SYNE2: variants seen among roughly 807,000 people sequenced by gnomAD.
SYNE2 encodes the protein spectrin repeat containing nuclear envelope protein 2.
In SYNE2, 431 loss-of-function variants were observed where a neutral mutation model predicts 856.3. That is an observed-to-expected ratio of 0.50 (90% confidence interval 0.47 to 0.55). SYNE2 has a LOEUF of 0.55. Ranked by LOEUF, SYNE2 falls within the 20% of genes least tolerant of loss-of-function variation. The pLI, the probability that SYNE2 is intolerant of heterozygous loss-of-function variation, is 0.00. For missense variants in SYNE2, 8,129 were observed against 8,023.2 expected (o/e 1.01, Z -0.50); for synonymous variants, 2,923 against 2,872.3 (o/e 1.02, Z -0.56).
intron 66 of SYNE2, among the ~76,000 whole-genome samples, chr14:64,117,637 A>C (rs2097862249): frequency 6.6e-6 from 1 of 152,180 alleles, no homozygotes; most frequent in Non-Finnish European, 1.5e-5. Context: ...CATATCCTGA[A>C]GGTTATTTTA....
At chr14:63,954,510 C>G (rs944770638) in intron 7 of SYNE2, among the ~76,000 whole-genome samples, 1 of 152,166 alleles carries the variant, frequency 6.6e-6, no homozygotes, top group Non-Finnish European at 1.5e-5. Flanking sequence ...GCTCAGGAAA[C>G]AAATTTTGAG....
chr14:63,832,972 A>T (rs1889724690), intron 1 of SYNE2, among the ~76,000 whole-genome samples: 1 of 151,398 alleles, frequency 6.6e-6, no homozygotes, highest in Non-Finnish European at 1.5e-5. Flanking sequence ...AGCTGAGATC[A>T]CTCCACTGCA....
chr14:64,129,868 T>G lies in SYNE2; in HGVS notation c.14106T>G (p.Pro4702=), dbSNP rs774227951. The change falls in exon 75 of 116, where the codon CCT becomes CCG. Residue 4702 remains proline (P), a synonymous_variant. Transcript: ENST00000555002. Reference sequence around the variant, plus strand: ...ATGAAGGGGAGAGGCTTCATTTACCTTATGCTTTACTCCAGGAGGTTTACA... The same window carrying G: ...ATGAAGGGGAGAGGCTTCATTTACCGTATGCTTTACTCCAGGAGGTTTACA... ...LRDEGERLHL[P]YALLQEVYKL... is the part of the protein sequence containing the mutation. 3 of 1,614,162 alleles carry G rather than the reference T, an allele frequency of 1.9e-6. No individual in the cohort carries two copies. The Admixed American group carries it at 5.0e-5, about 27-fold the overall frequency.
At chr14:64,162,589 G>A (rs2098337810) in intron 88 of SYNE2, 10 of 411,818 alleles carry the variant, frequency 2.4e-5, no homozygotes, top group Admixed American at 1.1e-4. Context: ...TGTCTCAACT[G>A]AGTGTGACCC....
At chr14:64,151,042 A>G (rs2098237197) in intron 84 of SYNE2, among the ~76,000 whole-genome samples, 1 of 152,150 alleles carries the variant, frequency 6.6e-6, no homozygotes, top group Admixed American at 6.5e-5. Context: ...TGTGGCTCTA[A>G]ATTCTAAAAG....
chr14:63,990,815 A>G (rs1325163210), intron 20 of SYNE2, 127 bp from the exon 21 acceptor site: 1 of 835,766 alleles, frequency 1.2e-6, no homozygotes, highest in Non-Finnish European at 2.0e-6. Flanking sequence ...ATTTAGATAG[A>G]TTTATCATAA....
chr14:64,223,656 G>A (rs1336643628), intron 113 of SYNE2, among the ~76,000 whole-genome samples: 1 of 152,030 alleles, frequency 6.6e-6, no homozygotes, highest in African/African-American at 2.4e-5. Flanking sequence ...TGTAGAGAAG[G>A]GTTCTTGCCA....
At chr14:64,008,733 G>T (rs1463362180) in intron 31 of SYNE2, among the ~76,000 whole-genome samples, 1 of 152,092 alleles carries the variant, frequency 6.6e-6, no homozygotes, top group African/African-American at 2.4e-5. Context: ...TTCCAGCAGG[G>T]TTAGGCAGTG....
At chr14:64,136,196 A>G (rs1319321920) in intron 78 of SYNE2, among the ~76,000 whole-genome samples, 2 of 150,852 alleles carry the variant, frequency 1.3e-5, no homozygotes, top group East Asian at 4.0e-4. Flanking sequence ...AGACTTAGGC[A>G]GGAGAATCGC....
At chr14:63,890,890 C>T (rs1042192333) in intron 1 of SYNE2, among the ~76,000 whole-genome samples, 1 of 152,168 alleles carries the variant, frequency 6.6e-6, no homozygotes, top group African/African-American at 2.4e-5. Flanking sequence ...GTTCATGCTC[C>T]TCTCTGTTCC....
Position 63,941,747 on chromosome 14 carries a change from A to G in SYNE2, c.194A>G (p.His65Arg), listed in dbSNP as rs2095919566. The G allele has an allele frequency of 6.8e-6, 11 of 1,614,042 alleles. No homozygotes were observed. The highest frequency in any genetic ancestry group is 8.5e-6 in the Non-Finnish European group (10 of 1,180,020). ...SDLFTDIKKGHVLLDLLEVLS... is the reference protein window; with the variant it reads ...SDLFTDIKKGRVLLDLLEVLS... ...CTATTCACAGACATTAAAAAGGGGC[A>G]TGTCCTCCTGGATCTGCTAGAAGTA... is the stretch of plus-strand genomic sequence containing the variant. Residue 65 changes from histidine (H) to arginine (R), a missense_variant, in exon 4 of 116, where the codon CAT becomes CGT. His to Arg is a conservative substitution (Grantham distance 29, BLOSUM62 0). Transcript: ENST00000555002.
At chr14:63,909,023 GT>G (rs2095441139) in intron 1 of SYNE2, 74 bp from the exon 2 acceptor site, 1 of 782,794 alleles carries the variant, frequency 1.3e-6, no homozygotes, top group Non-Finnish European at 2.3e-6. Context: ...GGTTGCTGCT[GT>G]TTTCTGGCAA....
chr14:63,847,283 A>AAAT (rs941996879), intron 1 of SYNE2, among the ~76,000 whole-genome samples: 12 of 151,036 alleles, frequency 7.9e-5, no homozygotes, highest in South Asian at 2.1e-4. Flanking sequence ...TGCTTTTACA[A>AAAT]AATAATAATA....
intron 49 of SYNE2, 35 bp from the exon 50 acceptor site, chr14:64,062,716 T>G (rs777100580): frequency 6.3e-7 from 1 of 1,582,070 alleles, no homozygotes; most frequent in East Asian, 2.2e-5. Context: ...TAAATAAAAT[T>G]TAATACCACT....
In SYNE2 at chr14:64,146,129, T is replaced by C; in HGVS notation, c.15545T>C (p.Leu5182Ser). 1 of 1,609,030 alleles carries C rather than the reference T, an allele frequency of 6.2e-7. No individual in the cohort carries two copies. The highest frequency in any genetic ancestry group is 1.7e-5 in the Admixed American group (1 of 59,228). ...GAGAGTGAAAATAAAATACAGATCT[T>C]GAACAACTGGCTGGAAGCACAAGAA... ...ITESENKIQI[L>S]NNWLEAQEER... Residue 5182 changes from leucine to serine, a missense_variant, in exon 84 of 116, where the codon TTG becomes TCG. Coordinates refer to ENST00000555002, the MANE Select transcript of SYNE2 (RefSeq NM_182914.3).
intron 35 of SYNE2, 26 bp from the exon 36 acceptor site, chr14:64,021,289 C>T: frequency 6.4e-7 from 1 of 1,574,772 alleles, no homozygotes. Context: ...GACTGTTATA[C>T]AACTTCATAT....
intron 2 of SYNE2, among the ~76,000 whole-genome samples, chr14:63,916,374 A>G (rs1201953334): frequency 6.6e-6 from 1 of 152,180 alleles, no homozygotes; most frequent in Non-Finnish European, 1.5e-5. Context: ...TTGTCTTCTT[A>G]CTGTTCTTAC....
chr14:64,180,731 C>G (rs1448133833), intron 96 of SYNE2, among the ~76,000 whole-genome samples: 1 of 152,072 alleles, frequency 6.6e-6, no homozygotes, highest in East Asian at 1.9e-4. Flanking sequence ...CTCTAACTCC[C>G]AACCTCAGGT....
intron 11 of SYNE2, among the ~76,000 whole-genome samples, chr14:63,974,884 G>GTATATATATATATATATATA (rs1261730365): frequency 1.1e-4 from 3 of 27,290 alleles, no homozygotes; most frequent in African/African-American, 3.8e-4. Context: ...GTGTGTGTGT[G>GTATATATATATATATATATA]TGTGTGTGTA....
Sources: allele counts gnomAD v4.1 joint callset (sites outside exome capture counted in the v4.1 genomes callset), GRCh38; gene constraint gnomAD v4.1.1; transcripts MANE v1.5; gene names NCBI Gene and HGNC (gene_info 2026-07-23, HGNC 2026-07-21).